Variants in KCTD20 observed in about 807,000 individuals in gnomAD.
The protein encoded by KCTD20 is BTB/POZ domain-containing protein KCTD20.
KCTD20 carries 30 observed loss-of-function variants against 39.6 expected under a neutral mutation model. The observed-to-expected ratio is 0.76, with a 90% confidence interval of 0.57 to 1.03. KCTD20 has a LOEUF of 1.03. KCTD20 is among the 50% of genes least tolerant of loss of function. KCTD20 has a pLI of 0.00. For missense variants in KCTD20, 422 were observed against 522.0 expected, an observed-to-expected ratio of 0.81 and a Z score of 1.87; for synonymous variants, 162 against 180.6, an observed-to-expected ratio of 0.90 and a Z score of 0.83.
intron 1 of KCTD20, among the ~76,000 whole-genome samples, chr6:36,444,467 T>C (rs1774976911): frequency 2.0e-5 from 3 of 152,202 alleles, no homozygotes; most frequent in Admixed American, 2.0e-4. Flanking sequence ...AGCCCATTAA[T>C]CTTTTCCTTC....
intron 1 of KCTD20, among the ~76,000 whole-genome samples, chr6:36,460,746 T>C (rs147952479): frequency 6.6e-6 from 1 of 152,244 alleles, no homozygotes; most frequent in East Asian, 1.9e-4. Flanking sequence ...AGATTATATG[T>C]CCTAGCCCCC....
chr6:36,459,969 A>G (rs1441772404), intron 1 of KCTD20, among the ~76,000 whole-genome samples: 1 of 152,244 alleles, frequency 6.6e-6, no homozygotes, highest in East Asian at 1.9e-4. Context: ...TACTAAAAGT[A>G]TATCCCTTGG....
Position 36,469,264 on chromosome 6 carries a change from G to T in KCTD20, c.-46-788G>T, listed in dbSNP as rs1354446207. ...GTGAACTTCAGAAATATTTTGAGTAGCCGCCATCGAGGATGGAAGGGTTGC... is the reference window on the plus strand; with the variant it reads ...GTGAACTTCAGAAATATTTTGAGTATCCGCCATCGAGGATGGAAGGGTTGC... On this transcript the variant is annotated intron_variant, in intron 1 of 7. Transcript: ENST00000373731. This position sits in a 1 kb window ranked among gnomAD's most constrained non-coding sequence, Gnocchi z 4.6. 6.6e-6 allele frequency among the ~76,000 whole-genome samples: 1 copy of T among 152,154 alleles called. No individual in the cohort carries two copies. The highest frequency in any genetic ancestry group is 1.5e-5 in the Non-Finnish European group (1 of 68,034).
chr6:36,447,827 C>CA (rs1001790568), intron 1 of KCTD20, among the ~76,000 whole-genome samples: 4 of 151,068 alleles, frequency 2.6e-5, no homozygotes, highest in African/African-American at 4.9e-5. Flanking sequence ...TCTGTCTCTA[C>CA]AAAAAATATA....
rs1776492247 is a variant in KCTD20, at chr6:36,488,501, CAGTTTGTGGT to C, written c.*1329_*1338del. 1 of 152,142 alleles carries C rather than the reference CAGTTTGTGGT, an allele frequency of 6.6e-6. No homozygotes were observed. The highest frequency in any genetic ancestry group is 2.4e-5 in the African/African-American group (1 of 41,432). 9.4% of individuals were successfully genotyped at this position (152,142 alleles called of 1,614,324 possible). A position where few individuals can be genotyped will look rare whatever the true frequency, so the allele number is the denominator to read the frequency against. On this transcript the variant is annotated 3_prime_UTR_variant, in exon 8 of 8. Coordinates refer to ENST00000373731, the MANE Select transcript of KCTD20 (RefSeq NM_173562.5). ...ATATAAGTATTTTGGAATTATCTCCCAGTTTGTGGTAGAAGCTGACTGGAATACAGGTTGA... is the reference window on the plus strand; with the variant it reads ...ATATAAGTATTTTGGAATTATCTCCCAGAAGCTGACTGGAATACAGGTTGA...
rs150880754 is a variant in KCTD20 at position 36,447,247 on chromosome 6, T to C, written c.-47+4136T>C. 3.4e-3 allele frequency among the ~76,000 whole-genome samples: 524 copies of C among 152,310 alleles called. 1 individual carries two copies. The highest frequency in any genetic ancestry group is 0.012 in the African/African-American group (498 of 41,574). ...TAGTACCTACCTATCCCAGGATTTT[T>C]AGGATTGAGTTAATTCATGTAAAGT... On this transcript the variant is annotated intron_variant, in intron 1 of 7. Coordinates refer to ENST00000373731, the MANE Select transcript of KCTD20 (RefSeq NM_173562.5).
chr6:36,486,618 TCTC>T (rs1434590788), intron 7 of KCTD20, among the ~76,000 whole-genome samples: 2 of 152,216 alleles, frequency 1.3e-5, no homozygotes, highest in East Asian at 3.8e-4. Flanking sequence ...AAGAGGCTTC[TCTC>T]CTCTTTCCAT....
rs1452037714 is a variant in KCTD20, at chr6:36,484,843, T to G, written c.967+19T>G. ...ATTGAAGGTAAAAAAAAAAAAAAAA[T>G]CCCAGTCAACATTCAGGTTGGGTCT... On this transcript the variant is annotated intron_variant, in intron 7 of 7. Coordinates refer to ENST00000373731, the MANE Select transcript of KCTD20 (RefSeq NM_173562.5). The G allele has an allele frequency of 9.4e-7, 1 of 1,059,428 alleles. No homozygotes were observed. The highest frequency in any genetic ancestry group is 1.4e-6 in the Non-Finnish European group (1 of 707,314). 65.6% of individuals were successfully genotyped at this position (1,059,428 alleles called of 1,614,324 possible). A position where few individuals can be genotyped will look rare whatever the true frequency, so the allele number is the denominator to read the frequency against.
Position 36,456,804 on chromosome 6 carries a change from G to A in KCTD20, c.-46-13248G>A, listed in dbSNP as rs144128657. 1.5e-3 allele frequency among the ~76,000 whole-genome samples: 231 copies of A among 152,036 alleles called. 2 individuals are homozygous for A. Among genetic ancestry groups the A allele is most frequent in the Non-Finnish European group, 1.8e-3 (120 of 67,964 alleles). On this transcript the variant is annotated intron_variant, in intron 1 of 7. Coordinates refer to ENST00000373731, the MANE Select transcript of KCTD20 (RefSeq NM_173562.5). ...GCCTGTAACCCACTCCTGAGTAGCTGGGACTACAGGTGTGCAAAACCACGT... is the reference window on the plus strand; with the variant it reads ...GCCTGTAACCCACTCCTGAGTAGCTAGGACTACAGGTGTGCAAAACCACGT...
rs1253550516 is a variant in KCTD20, at chr6:36,474,862, C to T, written c.234C>T (p.Ile78=). 1.2e-6 allele frequency: 2 copies of T among 1,614,054 alleles called. No individual in the cohort carries two copies. Among genetic ancestry groups the T allele is most frequent in the Non-Finnish European group, 1.7e-6 (2 of 1,180,038 alleles). The change falls in exon 3 of 8, where the codon ATC becomes ATT. Residue 78 remains isoleucine, a synonymous_variant. Transcript: ENST00000373731. ...ACATAATGCCCCTTGCTGAAGACAT[C>T]AAAGGTTCTTGCTTCCAAAGTGGGA... ...FPHIMPLAED[I]KGSCFQSGNK...
At position 36,458,616 on chromosome 6, in the gene KCTD20, C is replaced by G. The variant is rs544802984; in HGVS notation, c.-46-11436C>G. 1.4e-4 allele frequency among the ~76,000 whole-genome samples: 21 copies of G among 151,388 alleles called. No individual in the cohort carries two copies. In the South Asian group the frequency reaches 4.4e-3, roughly 32 times the overall value. On this transcript the variant is annotated intron_variant, in intron 1 of 7. Transcript: ENST00000373731. Reference sequence around the variant, plus strand: ...CAGGCTGGTCTTGAACTCCTGGGCTCAAGTGATCCTCCTGCCTTGGCCTCC... The same window carrying G: ...CAGGCTGGTCTTGAACTCCTGGGCTGAAGTGATCCTCCTGCCTTGGCCTCC...
At chr6:36,475,761 T>A (rs77115072) in intron 3 of KCTD20, among the ~76,000 whole-genome samples, 15,986 of 151,528 alleles carry the variant, frequency 0.11, 1,024 homozygotes, top group Admixed American at 0.22. Flanking sequence ...AAAAAAAAAA[T>A]AACAGTATTA....
intron 3 of KCTD20, among the ~76,000 whole-genome samples, chr6:36,475,805 A>G (rs757786942): frequency 1.3e-4 from 20 of 152,140 alleles, no homozygotes; most frequent in Admixed American, 7.2e-4. Flanking sequence ...GAACAAAGCT[A>G]TTTTACTGAA....
At chr6:36,483,140 A>G (rs934744074) in intron 6 of KCTD20, among the ~76,000 whole-genome samples, 1 of 150,316 alleles carries the variant, frequency 6.7e-6, no homozygotes, top group African/African-American at 2.4e-5. Flanking sequence ...AAAAAAAATT[A>G]TACCTTTATA....
rs1273805461 is a variant in KCTD20 at position 36,488,886 on chromosome 6, T to C, written c.*1711T>C. 1 of 152,692 alleles carries C rather than the reference T, an allele frequency of 6.5e-6. No individual in the cohort carries two copies. Among genetic ancestry groups the C allele is most frequent in the African/African-American group, 2.4e-5 (1 of 41,472 alleles). The allele number at this position is 152,692 out of a possible 1,614,324, so 9.5% of individuals were successfully genotyped here. On this transcript the variant is annotated 3_prime_UTR_variant, in exon 8 of 8. Transcript: ENST00000373731. Reference sequence around the variant, plus strand: ...TAATGCTCTGTTCTTCACTAGAATGTAGTAAGTGGTTAAACTGAGCTATCC... The same window carrying C: ...TAATGCTCTGTTCTTCACTAGAATGCAGTAAGTGGTTAAACTGAGCTATCC...
chr6:36,453,592 G>A (rs141303551), intron 1 of KCTD20, among the ~76,000 whole-genome samples: 1,911 of 149,086 alleles, frequency 0.013, 36 homozygotes, highest in African/African-American at 0.044. Flanking sequence ...TTGGCCCACC[G>A]CAACCTCTGC....
chr6:36,484,742 C>A lies in KCTD20; in HGVS notation c.885C>A (p.Phe295Leu), dbSNP rs1776365199. The change falls in exon 7 of 8, where the codon TTC becomes TTA. Residue 295 changes from phenylalanine to leucine, a missense_variant. Transcript: ENST00000373731. ...TTTATAGCTCCAAGCTCTACAGATT[C>A]TTCAAATATATTGAGAATAGGGATG... ...QILYSSKLYR[F>L]FKYIENRDVA... 3 of 1,599,704 alleles carry A rather than the reference C, an allele frequency of 1.9e-6. No individual in the cohort carries two copies. Among genetic ancestry groups the A allele is most frequent in the Non-Finnish European group, 2.6e-6 (3 of 1,171,100 alleles).
intron 1 of KCTD20, among the ~76,000 whole-genome samples, chr6:36,461,326 G>T (rs1775595081): frequency 6.6e-6 from 1 of 152,042 alleles, no homozygotes; most frequent in Non-Finnish European, 1.5e-5. Flanking sequence ...AAGTACTTAA[G>T]GATTTGCTTG....
At chr6:36,461,266 CTATACT>C (rs1366939070) in intron 1 of KCTD20, among the ~76,000 whole-genome samples, 1 of 152,034 alleles carries the variant, frequency 6.6e-6, no homozygotes, top group Non-Finnish European at 1.5e-5. Context: ...TTTATGTATA[CTATACT>C]TATAAGTTTA....
Sources: allele counts gnomAD v4.1 joint callset (sites outside exome capture counted in the v4.1 genomes callset), GRCh38; gene constraint gnomAD v4.1.1; non-coding constraint Gnocchi (gnomAD v3.1); transcripts MANE v1.5; gene names NCBI Gene and HGNC (gene_info 2026-07-23, HGNC 2026-07-21).